The following UTRN variants were observed in gnomAD, a reference collection of about 807,000 sequenced individuals.
UTRN encodes utrophin.
Under a neutral mutation model 463.9 loss-of-function variants are expected in UTRN, and 283 were observed. That is an observed-to-expected ratio of 0.61 (90% confidence interval 0.55 to 0.67). UTRN has a LOEUF of 0.67. UTRN is among the 30% of genes least tolerant of loss of function. The pLI is 0.00. For synonymous variants in UTRN, 1,442 were observed against 1,431.5 expected (o/e 1.01, Z -0.17); for missense variants, 3,922 against 4,084.3 (o/e 0.96, Z 1.08).
rs373904836 is a variant in UTRN at position 144,843,870 on chromosome 6, G to GGA, written c.10271-2933_10271-2932dup. On this transcript the variant is annotated intron_variant, in intron 73 of 74. Transcript: ENST00000367545. ...GCTGTTGGTTTAAAAGTATTGGTTT[G>GGA]GAGCAGCTGGCTTCATGTTTTCATA... Among the ~76,000 whole-genome samples the GGA allele has an allele frequency of 5.5e-3, 830 of 152,266 alleles. 6 individuals carry two copies. The highest frequency in any genetic ancestry group is 0.017 in the African/African-American group (714 of 41,544).
chr6:144,460,121 T>C (rs1789263780), intron 21 of UTRN, among the ~76,000 whole-genome samples: 1 of 151,376 alleles, frequency 6.6e-6, no homozygotes, highest in African/African-American at 2.4e-5. Context: ...TTCCTCAAAA[T>C]AGTTAAAGTT....
At chr6:144,634,726 G>T (rs1323420425) in intron 51 of UTRN, among the ~76,000 whole-genome samples, 1 of 152,078 alleles carries the variant, frequency 6.6e-6, no homozygotes, top group Non-Finnish European at 1.5e-5. Context: ...TCTACTTTCT[G>T]TTTGCCATTC....
chr6:144,491,874 T>C (rs1562480859), intron 32 of UTRN, among the ~76,000 whole-genome samples: 2 of 152,196 alleles, frequency 1.3e-5, no homozygotes, highest in Non-Finnish European at 2.9e-5. Flanking sequence ...CAGCGTCCTA[T>C]GAGATGTTGA....
chr6:144,658,479 C>T (rs1233514965), intron 51 of UTRN, among the ~76,000 whole-genome samples: 5 of 152,072 alleles, frequency 3.3e-5, no homozygotes, highest in African/African-American at 9.7e-5. Flanking sequence ...TAAGTGCTAA[C>T]GGTATTGATA....
intron 2 of UTRN, among the ~76,000 whole-genome samples, chr6:144,342,988 G>C (rs1777263430): frequency 6.6e-6 from 1 of 152,092 alleles, no homozygotes; most frequent in Admixed American, 6.5e-5. Flanking sequence ...GAGAGAGAGA[G>C]AGAGTATTTT....
intron 60 of UTRN, among the ~76,000 whole-genome samples, chr6:144,780,898 A>G (rs1478041616): frequency 2.6e-5 from 4 of 152,054 alleles, no homozygotes; most frequent in African/African-American, 4.8e-5. Context: ...CTTCATGTGG[A>G]TCTCTTGTAT....
chr6:144,459,397 A>C (rs781426734), intron 21 of UTRN, 43 bp downstream of exon 21: 3 of 1,536,764 alleles, frequency 2.0e-6, no homozygotes, highest in Non-Finnish European at 2.6e-6. Flanking sequence ...AGTTTGCCTT[A>C]ATGTAAACAT....
intron 48 of UTRN, among the ~76,000 whole-genome samples, chr6:144,552,249 G>A (rs1474542571): frequency 6.6e-6 from 1 of 152,172 alleles, no homozygotes; most frequent in Non-Finnish European, 1.5e-5. Flanking sequence ...GGTTATTATA[G>A]GAGATACATT....
intron 2 of UTRN, among the ~76,000 whole-genome samples, chr6:144,400,774 G>A (rs902748721): frequency 2.6e-5 from 4 of 152,016 alleles, no homozygotes; most frequent in Admixed American, 6.6e-5. Context: ...AAAATGTATC[G>A]TTTACAGGCA....
chr6:144,321,684 C>T (rs911068685), intron 2 of UTRN, among the ~76,000 whole-genome samples: 1 of 151,484 alleles, frequency 6.6e-6, no homozygotes, highest in Non-Finnish European at 1.5e-5. Context: ...GTTGGTCAGG[C>T]TGGTTTCGAA....
intron 10 of UTRN, among the ~76,000 whole-genome samples, chr6:144,436,796 A>G (rs968709712): frequency 9.1e-5 from 13 of 143,356 alleles, no homozygotes; most frequent in Non-Finnish European, 1.8e-4. Flanking sequence ...ATATATTTAT[A>G]TATAAATATA....
chr6:144,351,669 A>G (rs73592848), intron 2 of UTRN, among the ~76,000 whole-genome samples: 12,160 of 152,240 alleles, frequency 0.08, 1,576 homozygotes, highest in African/African-American at 0.28. Context: ...TTTGCCTTTG[A>G]TGCCTTATAT....
intron 54 of UTRN, among the ~76,000 whole-genome samples, chr6:144,742,525 A>C (rs1350003872): frequency 6.6e-6 from 1 of 152,206 alleles, no homozygotes; most frequent in Admixed American, 6.5e-5. Flanking sequence ...ATATTGAGAG[A>C]GAGCAAGTCA....
chr6:144,448,604 C>A lies in UTRN; in HGVS notation c.1907C>A (p.Thr636Asn), dbSNP rs755775899. 2 of 1,613,156 alleles carry A rather than the reference C, an allele frequency of 1.2e-6. No homozygotes were observed. The highest frequency in any genetic ancestry group is 1.7e-6 in the Non-Finnish European group (2 of 1,179,548). Residue 636 changes from threonine to asparagine, a missense_variant, in exon 17 of 75, where the codon ACT (threonine) becomes AAT (asparagine). By Grantham distance (65) the Thr-to-Asn change is moderately conservative. Coordinates refer to ENST00000367545, the MANE Select transcript of UTRN (RefSeq NM_007124.3). The part of the protein sequence containing the change: ...QRLEDSSNQV[T>N]QAVAKLGMSQ... ...TTTGGATGGCTTTTATTTCAGGTGACTCAGGCTGTAGCAAAGCTGGGGATG... is the reference window on the plus strand; with the variant it reads ...TTTGGATGGCTTTTATTTCAGGTGAATCAGGCTGTAGCAAAGCTGGGGATG...
Position 144,459,019 on chromosome 6 carries a change from G to A in UTRN, c.2526+8G>A. ...TTGAAGGATTCCTGTCAGGTAAGGA[G>A]CCAACGGTCTGGAAAGTGGAGGAAT... On this transcript the variant is annotated splice_region_variant and intron_variant, in intron 20 of 74. Coordinates refer to ENST00000367545, the MANE Select transcript of UTRN (RefSeq NM_007124.3). 1.9e-6 allele frequency: 3 copies of A among 1,592,220 alleles called. No homozygotes were observed. Among genetic ancestry groups the A allele is most frequent in the Non-Finnish European group, 2.6e-6 (3 of 1,170,490 alleles).
intron 51 of UTRN, among the ~76,000 whole-genome samples, chr6:144,603,402 G>A (rs1472322864): frequency 6.6e-6 from 1 of 152,064 alleles, no homozygotes; most frequent in Non-Finnish European, 1.5e-5. Context: ...CACTCATCTC[G>A]CCATACTCTG....
At chr6:144,839,767 G>A (rs997996919) in intron 72 of UTRN, among the ~76,000 whole-genome samples, 1 of 152,192 alleles carries the variant, frequency 6.6e-6, no homozygotes, top group African/African-American at 2.4e-5. Context: ...CACGCAGCCT[G>A]TCCTTGGTCA....
chr6:144,473,665 G>A lies in UTRN; in HGVS notation c.3067-55G>A, dbSNP rs939334342. On this transcript the variant is annotated intron_variant, in intron 23 of 74. Coordinates refer to ENST00000367545, the MANE Select transcript of UTRN (RefSeq NM_007124.3). ...TTCCAGTGGCGGTAGATCTTGAGAT[G>A]TAGTAGGCTGAACGTCACGAAGTAA... 5.0e-6 allele frequency: 7 copies of A among 1,395,520 alleles called. No individual in the cohort carries two copies. The Admixed American group carries it at 1.2e-4, about 24-fold the overall frequency. The allele number at this position is 1,395,520 out of a possible 1,614,324, so 86.4% of individuals were successfully genotyped here.
chr6:144,320,048 T>G (rs920422229), intron 2 of UTRN, among the ~76,000 whole-genome samples: 4 of 151,996 alleles, frequency 2.6e-5, no homozygotes, highest in Admixed American at 1.3e-4. Context: ...GAGACGGGCT[T>G]TCACCGTGTT....
Sources: allele counts gnomAD v4.1 joint callset (sites outside exome capture counted in the v4.1 genomes callset), GRCh38; gene constraint gnomAD v4.1.1; transcripts MANE v1.5; gene names NCBI Gene and HGNC (gene_info 2026-07-23, HGNC 2026-07-21).